Variants in PRKCE observed in about 807,000 individuals in gnomAD.
PRKCE encodes protein kinase C epsilon.
Under a neutral mutation model 85.4 loss-of-function variants are expected in PRKCE, and 16 were observed. The ratio of observed to expected loss-of-function variants is 0.19; its 90% CI spans 0.13 to 0.28. The LOEUF (loss-of-function observed/expected upper bound fraction) is 0.28. PRKCE is among the 10% of genes least tolerant of loss of function. The pLI is 1.00. For missense variants in PRKCE, 573 were observed against 975.2 expected, an observed-to-expected ratio of 0.59 and a Z score of 5.49; for synonymous variants, 388 against 371.5, an observed-to-expected ratio of 1.04 and a Z score of -0.51.
At chr2:46,106,846 G>A (rs921650228) in intron 11 of PRKCE, among the ~76,000 whole-genome samples, 1 of 152,298 alleles carries the variant, frequency 6.6e-6, no homozygotes, top group East Asian at 1.9e-4. Flanking sequence ...AATTTTTGCA[G>A]AACACAAATC....
intron 2 of PRKCE, among the ~76,000 whole-genome samples, chr2:45,903,990 C>T (rs1042805989): frequency 3.3e-5 from 5 of 151,432 alleles, no homozygotes; most frequent in Admixed American, 3.3e-4. Flanking sequence ...TGCAACCTCC[C>T]ATTGCTGAGT....
At chr2:45,807,871 C>G (rs561085812) in intron 1 of PRKCE, among the ~76,000 whole-genome samples, 1 of 152,132 alleles carries the variant, frequency 6.6e-6, no homozygotes, top group Admixed American at 6.5e-5. Context: ...CACCCGATTT[C>G]TACTTTCTCT....
At chr2:45,863,497 C>T (rs1167230690) in intron 2 of PRKCE, among the ~76,000 whole-genome samples, 35 of 152,134 alleles carry the variant, frequency 2.3e-4, no homozygotes, top group Admixed American at 2.3e-3. Context: ...TCCCTCCCTC[C>T]CTTCTTCTTG....
At chr2:46,165,077 C>T (rs1219583023) in intron 14 of PRKCE, among the ~76,000 whole-genome samples, 2 of 152,206 alleles carry the variant, frequency 1.3e-5, no homozygotes, top group Non-Finnish European at 2.9e-5. Context: ...CTAAGCCTCC[C>T]TTGTCTAACC....
intron 2 of PRKCE, among the ~76,000 whole-genome samples, chr2:45,943,821 G>A (rs989782977): frequency 5.3e-5 from 8 of 152,220 alleles, no homozygotes; most frequent in Non-Finnish European, 1.2e-4. Context: ...GGGAGGCTGT[G>A]TCTGTGTTAA....
Position 45,789,205 on chromosome 2 carries a change from G to C in PRKCE, c.349-53795G>C, listed in dbSNP as rs141416261. On this transcript the variant is annotated intron_variant, in intron 1 of 14. Coordinates refer to ENST00000306156, the MANE Select transcript of PRKCE (RefSeq NM_005400.3). ...GCTTGAGGACAGGAGTTCAAGACCA[G>C]CCTGGACAACATAGCAAGATCCCAT... is the stretch of plus-strand genomic sequence containing the variant. Among the ~76,000 whole-genome samples the C allele has an allele frequency of 1.3e-3, 194 of 152,242 alleles. 1 individual carries two copies. The highest frequency in any genetic ancestry group is 4.5e-3 in the African/African-American group (188 of 41,554).
At chr2:46,158,797 G>A (rs1677462289) in intron 13 of PRKCE, among the ~76,000 whole-genome samples, 1 of 151,990 alleles carries the variant, frequency 6.6e-6, no homozygotes, top group Non-Finnish European at 1.5e-5. Flanking sequence ...CCACCTACTG[G>A]CACTTTTTTT....
chr2:45,659,289 AT>A (rs1375216019), intron 1 of PRKCE, among the ~76,000 whole-genome samples: 6 of 152,230 alleles, frequency 3.9e-5, no homozygotes, highest in Non-Finnish European at 8.8e-5. Context: ...TTGAGGGGCC[AT>A]CCTTGACGCC....
chr2:46,084,249 G>C (rs1173607591), intron 10 of PRKCE, among the ~76,000 whole-genome samples: 1 of 152,206 alleles, frequency 6.6e-6, no homozygotes, highest in East Asian at 1.9e-4. Context: ...ACTGGAGTGG[G>C]GGTGAAGGTA....
intron 11 of PRKCE, among the ~76,000 whole-genome samples, chr2:46,108,431 C>G (rs1671951773): frequency 6.6e-6 from 1 of 152,174 alleles, no homozygotes; most frequent in Non-Finnish European, 1.5e-5. Flanking sequence ...AGCATGTCTT[C>G]ACTTGTAAGA....
chr2:46,007,757 C>A, intron 9 of PRKCE, 96 bp downstream of exon 9: 1 of 1,337,102 alleles, frequency 7.5e-7, no homozygotes, highest in Non-Finnish European at 1.0e-6. Flanking sequence ...ACCTTTCAGC[C>A]TGATCTCGTT....
chr2:45,674,047 A>G (rs1015350390), intron 1 of PRKCE, among the ~76,000 whole-genome samples: 4 of 152,206 alleles, frequency 2.6e-5, no homozygotes, highest in Non-Finnish European at 4.4e-5. Flanking sequence ...TCTCTTTTGA[A>G]GGTGTATCTC....
At chr2:45,686,083 G>A (rs1276428139) in intron 1 of PRKCE, among the ~76,000 whole-genome samples, 2 of 152,028 alleles carry the variant, frequency 1.3e-5, no homozygotes, top group African/African-American at 2.4e-5. Context: ...TGTATAAAAC[G>A]CACAGCTGAT....
chr2:46,084,451 C>A (rs1044460594), intron 10 of PRKCE, among the ~76,000 whole-genome samples: 1 of 152,136 alleles, frequency 6.6e-6, no homozygotes, highest in Non-Finnish European at 1.5e-5. Context: ...GAGCCGGGCA[C>A]GGTGGCTCAT....
intron 1 of PRKCE, among the ~76,000 whole-genome samples, chr2:45,679,426 G>A (rs1260318094): frequency 6.6e-6 from 1 of 152,020 alleles, no homozygotes; most frequent in Non-Finnish European, 1.5e-5. Context: ...GGTGATACTG[G>A]GCTAAAGAAA....
chr2:46,077,303 T>C (rs921743102), intron 10 of PRKCE, among the ~76,000 whole-genome samples: 1 of 152,118 alleles, frequency 6.6e-6, no homozygotes, highest in African/African-American at 2.4e-5. Flanking sequence ...GGGTGTATAC[T>C]CATCTCCAAG....
chr2:45,801,407 G>A (rs769122505), intron 1 of PRKCE, among the ~76,000 whole-genome samples: 6 of 152,060 alleles, frequency 3.9e-5, no homozygotes, highest in Non-Finnish European at 7.4e-5. Context: ...CAGGCCAAGG[G>A]TTGCAAAAAC....
chr2:46,144,647 A>G (rs1243603694), intron 11 of PRKCE, among the ~76,000 whole-genome samples: 1 of 152,222 alleles, frequency 6.6e-6, no homozygotes, highest in African/African-American at 2.4e-5. Context: ...TCTATAAAGT[A>G]GTGCCTGACT....
rs1675186856 is a variant in PRKCE at position 45,652,783 on chromosome 2, G to A, written c.348+335G>A. ...CGGCTTTCTTCCGCAGGCGCGTGGT[G>A]GGCTGGCTGTGTGTGATTGTGTGTG... On this transcript the variant is annotated intron_variant, in intron 1 of 14. Coordinates refer to ENST00000306156, the MANE Select transcript of PRKCE (RefSeq NM_005400.3). The surrounding 1 kb of genome is among the most constrained non-coding windows in gnomAD (Gnocchi z 7.7). Among the ~76,000 whole-genome samples, 1 of 152,306 alleles carries A rather than the reference G, an allele frequency of 6.6e-6. No homozygotes were observed. Among genetic ancestry groups the A allele is most frequent in the Admixed American group, 6.5e-5 (1 of 15,302 alleles).
Sources: allele counts gnomAD v4.1 joint callset (sites outside exome capture counted in the v4.1 genomes callset), GRCh38; gene constraint gnomAD v4.1.1; non-coding constraint Gnocchi (gnomAD v3.1); transcripts MANE v1.5; gene names NCBI Gene and HGNC (gene_info 2026-07-23, HGNC 2026-07-21).